The following DAPK1 variants were observed in gnomAD, a reference collection of about 807,000 sequenced individuals.
DAPK1 encodes death associated protein kinase 1.
DAPK1 carries 56 observed loss-of-function variants against 144.9 expected under a neutral mutation model. The observed-to-expected ratio is 0.39, with a 90% CI of 0.31 to 0.48. The LOEUF (loss-of-function observed/expected upper bound fraction) is 0.48, where lower values mean the gene tolerates loss of function less well. Among genes scored for constraint, DAPK1 ranks in the 20% least tolerant of loss-of-function variants. The pLI is 0.95. For synonymous variants in DAPK1, 690 were observed against 749.0 expected, an observed-to-expected ratio of 0.92 and a Z score of 1.29; for missense variants, 1,454 against 1,875.4, an observed-to-expected ratio of 0.78 and a Z score of 4.15.
chr9:87,506,742 G>C (rs1824615154), intron 2 of DAPK1: 1 of 152,102 alleles, frequency 6.6e-6, no homozygotes, highest in Admixed American at 6.5e-5. Flanking sequence ...CCTTGAAAGA[G>C]GTTATATGAC....
intron 18 of DAPK1, among the ~76,000 whole-genome samples, chr9:87,664,162 A>G (rs1335281074): frequency 6.6e-6 from 1 of 151,958 alleles, no homozygotes; most frequent in East Asian, 1.9e-4. Flanking sequence ...CTCTGCCTTC[A>G]GGATGTGAAC....
At chr9:87,576,959 A>T (rs1203540013) in intron 2 of DAPK1, among the ~76,000 whole-genome samples, 3 of 152,176 alleles carry the variant, frequency 2.0e-5, no homozygotes, top group Admixed American at 6.5e-5. Flanking sequence ...GAAACACAGG[A>T]TCCAGCCCAG....
intron 3 of DAPK1, among the ~76,000 whole-genome samples, chr9:87,624,882 C>T (rs935079352): frequency 1.4e-4 from 22 of 152,276 alleles, no homozygotes; most frequent in South Asian, 2.1e-4. Context: ...AGAAAACACC[C>T]AGGGAGCATG....
At chr9:87,698,291 T>A (rs550087971) in intron 22 of DAPK1, 1 of 182,196 alleles carries the variant, frequency 5.5e-6, no homozygotes, top group African/African-American at 2.4e-5. Context: ...CTCTGTGGTG[T>A]TGCTGCACTC....
At chr9:87,547,671 C>G (rs1442175991) in intron 2 of DAPK1, among the ~76,000 whole-genome samples, 1 of 151,352 alleles carries the variant, frequency 6.6e-6, no homozygotes, top group Non-Finnish European at 1.5e-5. Flanking sequence ...GGTGGCAAGT[C>G]CAGAATTTGC....
At position 87,697,048 on chromosome 9, in the gene DAPK1, G is replaced by T; in HGVS notation, c.2455G>T (p.Val819Leu). Reference sequence around the variant, plus strand: ...CGTGTGGGAGTTCTCTGGAAATCCTGTGTATTTCTGCTGTTATGACTATTT... The same window carrying T: ...CGTGTGGGAGTTCTCTGGAAATCCTTTGTATTTCTGCTGTTATGACTATTT... ...FSVWEFSGNP[V>L]YFCCYDYFAA... Residue 819 changes from valine (V) to leucine (L), a missense_variant, in exon 22 of 26, where the codon GTG becomes TTG. Coordinates refer to ENST00000408954, the MANE Select transcript of DAPK1 (RefSeq NM_004938.4). 6.3e-7 allele frequency: 1 copy of T among 1,595,928 alleles called. No homozygotes were observed. Among genetic ancestry groups the T allele is most frequent in the South Asian group, 1.1e-5 (1 of 90,732 alleles).
chr9:87,574,522 C>T (rs1827471826), intron 2 of DAPK1, among the ~76,000 whole-genome samples: 1 of 152,086 alleles, frequency 6.6e-6, no homozygotes, highest in Admixed American at 6.6e-5. Context: ...CAGAGCTGGC[C>T]CTTAGAGGTG....
intron 2 of DAPK1, among the ~76,000 whole-genome samples, chr9:87,536,510 A>T (rs1276340460): frequency 6.6e-6 from 1 of 152,226 alleles, no homozygotes; most frequent in South Asian, 2.1e-4. Context: ...TCTGCAAGTC[A>T]TGTGGGAATT....
intron 24 of DAPK1, among the ~76,000 whole-genome samples, chr9:87,702,645 A>G (rs772493562): frequency 2.6e-5 from 4 of 152,234 alleles, no homozygotes; most frequent in Non-Finnish European, 4.4e-5. Context: ...CTCAAAATCT[A>G]TTTAACATGA....
chr9:87,643,718 C>T (rs1927976), intron 11 of DAPK1, among the ~76,000 whole-genome samples: 96,966 of 151,670 alleles, frequency 0.64, 32,529 homozygotes, highest in African/African-American at 0.83. Flanking sequence ...CCCTCCACCT[C>T]GATGCAAACA....
chr9:87,544,532 A>G (rs1190431751), intron 2 of DAPK1, among the ~76,000 whole-genome samples: 1 of 152,256 alleles, frequency 6.6e-6, no homozygotes, highest in East Asian at 1.9e-4. Context: ...GTAAATATGC[A>G]TATAAGTATA....
At chr9:87,540,462 G>A (rs1587701121) in intron 2 of DAPK1, among the ~76,000 whole-genome samples, 1 of 152,002 alleles carries the variant, frequency 6.6e-6, no homozygotes, top group Admixed American at 6.6e-5. Flanking sequence ...AAGTGCTGAG[G>A]TTACCGGCAT....
intron 7 of DAPK1, 103 bp downstream of exon 7, chr9:87,639,918 C>T (rs1830039109): frequency 8.2e-7 from 1 of 1,215,974 alleles, no homozygotes; most frequent in Non-Finnish European, 1.2e-6. Flanking sequence ...CTTATGCATG[C>T]TTTTGATGCA....
intron 2 of DAPK1, among the ~76,000 whole-genome samples, chr9:87,504,577 G>A (rs36228625): frequency 3.3e-5 from 5 of 152,072 alleles, no homozygotes; most frequent in African/African-American, 1.2e-4. Flanking sequence ...GAAACTGAAG[G>A]CCCCATATCA....
At chr9:87,642,200 C>A in intron 10 of DAPK1, 142 bp downstream of exon 10, 2 of 546,278 alleles carry the variant, frequency 3.7e-6, no homozygotes, top group Non-Finnish European at 6.3e-6. Context: ...GTGTTCTGCA[C>A]CATTACTCTA....
chr9:87,567,852 C>T (rs939971650), intron 2 of DAPK1, among the ~76,000 whole-genome samples: 6 of 152,162 alleles, frequency 3.9e-5, no homozygotes, highest in African/African-American at 1.2e-4. Flanking sequence ...GGCTAGCGAT[C>T]GTTTCCATGG....
chr9:87,704,766 C>T (rs1825576681), intron 25 of DAPK1, among the ~76,000 whole-genome samples: 2 of 152,160 alleles, frequency 1.3e-5, no homozygotes, highest in Admixed American at 6.5e-5. Flanking sequence ...TCTGAATAGA[C>T]TCTTAGACAG....
intron 21 of DAPK1, among the ~76,000 whole-genome samples, chr9:87,692,835 T>C (rs1825109367): frequency 6.6e-6 from 1 of 152,106 alleles, no homozygotes; most frequent in South Asian, 2.1e-4. Flanking sequence ...TATCCTTGGC[T>C]GACAATTTCC....
intron 2 of DAPK1, among the ~76,000 whole-genome samples, chr9:87,529,736 C>G (rs1462988595): frequency 6.6e-6 from 1 of 152,212 alleles, no homozygotes; most frequent in Non-Finnish European, 1.5e-5. Context: ...TTGAGGCTGC[C>G]TGGAGCAAAG....
Sources: gnomAD v4.1 joint callset for allele counts (sites outside exome capture counted in the v4.1 genomes callset) on GRCh38, gnomAD v4.1.1 for gene constraint, MANE v1.5 for transcripts, NCBI Gene and HGNC (gene_info 2026-07-23, HGNC 2026-07-21) for gene names.